Variants in L3MBTL3 observed in about 807,000 individuals in gnomAD.
The protein encoded by L3MBTL3 is lethal(3)malignant brain tumor-like protein 3.
L3MBTL3 carries 27 observed loss-of-function variants against 102.3 expected under a neutral mutation model. The observed-to-expected ratio is 0.26, with a 90% confidence interval of 0.19 to 0.36. The LOEUF is 0.36. Ranked by LOEUF, L3MBTL3 falls within the 10% of genes least tolerant of loss-of-function variation. The pLI is 1.00. For synonymous variants in L3MBTL3, 340 were observed against 320.9 expected (o/e 1.06, Z -0.64); for missense variants, 798 against 955.3 (o/e 0.84, Z 2.17).
At chr6:130,064,799 T>C (rs192576406) in intron 10 of L3MBTL3, among the ~76,000 whole-genome samples, 45 of 152,260 alleles carry the variant, frequency 3.0e-4, no homozygotes, top group Non-Finnish European at 4.6e-4. Flanking sequence ...TCTCAAAGCA[T>C]AGCTTTCCGG....
chr6:130,043,479 G>A (rs569642140), intron 3 of L3MBTL3, among the ~76,000 whole-genome samples: 7 of 152,192 alleles, frequency 4.6e-5, no homozygotes, highest in East Asian at 1.9e-4. Context: ...ACATGGTTGC[G>A]CAAGCACCGA....
At chr6:130,072,817 C>T (rs1369608704) in intron 13 of L3MBTL3, among the ~76,000 whole-genome samples, 1 of 151,994 alleles carries the variant, frequency 6.6e-6, no homozygotes, top group African/African-American at 2.4e-5. Context: ...AAATATTTCT[C>T]CCTATTGTTT....
intron 13 of L3MBTL3, among the ~76,000 whole-genome samples, chr6:130,077,276 T>C (rs1206825477): frequency 6.6e-6 from 1 of 152,198 alleles, no homozygotes; most frequent in Admixed American, 6.5e-5. Context: ...GCCTTGTTTG[T>C]ATAATTTATA....
chr6:130,110,185 T>C (rs1785263307), intron 19 of L3MBTL3, among the ~76,000 whole-genome samples: 2 of 152,358 alleles, frequency 1.3e-5, no homozygotes, highest in South Asian at 4.1e-4. Context: ...ATATGGACTC[T>C]TCTTTGGTTC....
At chr6:130,050,755 C>T (rs542186039) in intron 5 of L3MBTL3, among the ~76,000 whole-genome samples, 265 of 152,156 alleles carry the variant, frequency 1.7e-3, no homozygotes, top group Non-Finnish European at 3.0e-3. Context: ...AAAGGAAATG[C>T]GAGTTTCTAC....
intron 13 of L3MBTL3, among the ~76,000 whole-genome samples, chr6:130,076,273 A>G (rs1782942344): frequency 6.6e-6 from 1 of 152,070 alleles, no homozygotes; most frequent in Non-Finnish European, 1.5e-5. Flanking sequence ...TTCTCCTTTG[A>G]CTCTGGCTGA....
intron 14 of L3MBTL3, among the ~76,000 whole-genome samples, chr6:130,081,600 A>G (rs1253248629): frequency 1.6e-5 from 2 of 124,924 alleles, no homozygotes; most frequent in East Asian, 2.1e-4. Flanking sequence ...TTTTTTTTGC[A>G]TTTTTTAGTA....
chr6:130,027,653 G>C (rs780050029), intron 2 of L3MBTL3, among the ~76,000 whole-genome samples: 73 of 151,952 alleles, frequency 4.8e-4, no homozygotes, highest in Non-Finnish European at 5.9e-4. Flanking sequence ...ACATGCAAAA[G>C]AGAAATCAAG....
chr6:130,117,365 T>C (rs1785784746), intron 19 of L3MBTL3, among the ~76,000 whole-genome samples: 1 of 151,610 alleles, frequency 6.6e-6, no homozygotes, highest in South Asian at 2.1e-4. Flanking sequence ...CTTAATCCAG[T>C]CTATCATTGT....
intron 2 of L3MBTL3, among the ~76,000 whole-genome samples, chr6:130,032,884 T>G (rs1337929962): frequency 6.6e-6 from 1 of 152,188 alleles, no homozygotes; most frequent in African/African-American, 2.4e-5. Context: ...TGCTGGCTCC[T>G]TGGCAGGCTA....
chr6:130,141,184 T>C lies in L3MBTL3; in HGVS notation c.*1431T>C, dbSNP rs981187923. The C allele has an allele frequency of 6.6e-6, 1 of 152,222 alleles. No individual in the cohort carries two copies. Among genetic ancestry groups the C allele is most frequent in the Non-Finnish European group, 1.5e-5 (1 of 68,034 alleles). The allele number at this position is 152,222 out of a possible 1,614,324, so 9.4% of individuals were successfully genotyped here. ...TCTGGGGTAAGTTCCACCTCTTCTT[T>C]AGTTGCTTTCGTTTTTTATGATGTA... On this transcript the variant is annotated 3_prime_UTR_variant, in exon 23 of 23. Coordinates refer to ENST00000361794, the MANE Select transcript of L3MBTL3 (RefSeq NM_032438.4).
intron 14 of L3MBTL3, 52 bp downstream of exon 14, chr6:130,078,686 C>T: frequency 8.1e-7 from 1 of 1,229,514 alleles, no homozygotes; most frequent in Non-Finnish European, 1.2e-6. Context: ...CAAGAGTAGG[C>T]AGACTTTTTC....
At chr6:130,077,175 C>T (rs1783006920) in intron 13 of L3MBTL3, among the ~76,000 whole-genome samples, 1 of 151,672 alleles carries the variant, frequency 6.6e-6, no homozygotes, top group Non-Finnish European at 1.5e-5. Flanking sequence ...AACATCCTTC[C>T]CTAAAATAAA....
chr6:130,133,469 A>C lies in L3MBTL3; in HGVS notation c.1984A>C (p.Thr662Pro). ...TTGACCAGGTGCCCGGGAAGAACCC[A>C]CCGTCCAGCAGGCACAGCGTCGGTC... ...HEARGAREEPTVQQAQRRSAV... is the reference protein window; with the variant it reads ...HEARGAREEPPVQQAQRRSAV... The change falls in exon 21 of 23, where the codon ACC becomes CCC. Residue 662 changes from threonine (T) to proline (P), a missense_variant. Thr to Pro is a conservative substitution (Grantham distance 38). Transcript: ENST00000361794. The surrounding 1 kb of genome is among the most constrained non-coding windows in gnomAD (Gnocchi z 4.9). 1 of 1,613,948 alleles carries C rather than the reference A, an allele frequency of 6.2e-7. No individual in the cohort carries two copies. The highest frequency in any genetic ancestry group is 8.5e-7 in the Non-Finnish European group (1 of 1,179,924).
Position 130,092,813 on chromosome 6 carries a change from T to G in L3MBTL3, c.1587T>G (p.Pro529=). ...ATGCAGATTCTCCTGATATTCACCC[T>G]GTAGGCTGGTGTTCAAAAACAGGAC... The part of the protein sequence containing the change: ...WIDADSPDIH[P]VGWCSKTGHP... Residue 529 remains proline (P), a synonymous_variant, in exon 17 of 23, where the codon CCT becomes CCG. Coordinates refer to ENST00000361794, the MANE Select transcript of L3MBTL3 (RefSeq NM_032438.4). 1 of 1,613,208 alleles carries G rather than the reference T, an allele frequency of 6.2e-7. No homozygotes were observed. The highest frequency in any genetic ancestry group is 8.5e-7 in the Non-Finnish European group (1 of 1,179,256).
chr6:130,141,194 C>T lies in L3MBTL3; in HGVS notation c.*1441C>T, dbSNP rs1347843386. ...GTTCCACCTCTTCTTTAGTTGCTTT[C>T]GTTTTTTATGATGTAGGACTTCCTT... On this transcript the variant is annotated 3_prime_UTR_variant, in exon 23 of 23. Transcript: ENST00000361794. 1 of 152,112 alleles carries T rather than the reference C, an allele frequency of 6.6e-6. No individual in the cohort carries two copies. Among genetic ancestry groups the T allele is most frequent in the African/African-American group, 2.4e-5 (1 of 41,418 alleles). The allele number at this position is 152,112 out of a possible 1,614,324, so 9.4% of individuals were successfully genotyped here. A position where few individuals can be genotyped will look rare whatever the true frequency, so the allele number is the denominator to read the frequency against.
intron 16 of L3MBTL3, among the ~76,000 whole-genome samples, chr6:130,087,562 G>C (rs778420827): frequency 1.8e-4 from 28 of 152,130 alleles, no homozygotes; most frequent in Non-Finnish European, 3.7e-4. Flanking sequence ...CCTTTCCAAA[G>C]AGCAGTTTGG....
intron 16 of L3MBTL3, among the ~76,000 whole-genome samples, chr6:130,090,464 AGCT>A (rs1783972486): frequency 6.6e-6 from 1 of 152,212 alleles, no homozygotes; most frequent in Non-Finnish European, 1.5e-5. Context: ...ATTCTTAACC[AGCT>A]GTAGGAATTA....
chr6:130,064,834 G>C (rs763592076), intron 10 of L3MBTL3, among the ~76,000 whole-genome samples: 1 of 152,194 alleles, frequency 6.6e-6, no homozygotes. Flanking sequence ...AGACTATGGG[G>C]AGAACAGAGA....
Sources: allele counts gnomAD v4.1 joint callset (sites outside exome capture counted in the v4.1 genomes callset), GRCh38; gene constraint gnomAD v4.1.1; non-coding constraint Gnocchi (gnomAD v3.1); transcripts MANE v1.5; gene names NCBI Gene and HGNC (gene_info 2026-07-23, HGNC 2026-07-21).